Variants in TBC1D22A observed in about 807,000 individuals in gnomAD.
TBC1D22A encodes TBC1 domain family member 22A, also known as putative GTPase activator.
In TBC1D22A, 38 loss-of-function variants were observed where a neutral mutation model predicts 60.2. That is an observed-to-expected ratio of 0.63 (90% CI 0.49 to 0.83). TBC1D22A has a LOEUF of 0.83. Among genes scored for constraint, TBC1D22A ranks in the 40% least tolerant of loss-of-function variants. TBC1D22A has a pLI of 0.00. For missense variants in TBC1D22A, 628 were observed against 701.0 expected (o/e 0.90, Z 1.18); for synonymous variants, 302 against 281.7 (o/e 1.07, Z -0.72).
intron 11 of TBC1D22A, among the ~76,000 whole-genome samples, chr22:47,062,245 T>C (rs528497118): frequency 5.9e-5 from 9 of 152,076 alleles, no homozygotes; most frequent in Non-Finnish European, 1.2e-4. Flanking sequence ...GAAAAGCACA[T>C]TCTCAGGCCC....
At chr22:47,029,578 C>G (rs1248610774) in intron 10 of TBC1D22A, among the ~76,000 whole-genome samples, 2 of 152,230 alleles carry the variant, frequency 1.3e-5, no homozygotes, top group Non-Finnish European at 2.9e-5. Context: ...CCAGCCCAGA[C>G]TCGGCTGCTG....
intron 12 of TBC1D22A, among the ~76,000 whole-genome samples, chr22:47,140,203 G>C (rs991554018): frequency 1.3e-5 from 2 of 151,980 alleles, no homozygotes; most frequent in Admixed American, 6.5e-5. Context: ...CTGAATGCGC[G>C]TGCTGAGTCT....
intron 12 of TBC1D22A, among the ~76,000 whole-genome samples, chr22:47,163,834 A>G (rs1428353128): frequency 6.6e-6 from 1 of 152,218 alleles, no homozygotes; most frequent in Admixed American, 6.5e-5. Context: ...CACTTGCACC[A>G]CTGAGCAGGG....
intron 9 of TBC1D22A, among the ~76,000 whole-genome samples, chr22:46,996,962 T>A (rs765256052): frequency 9.9e-5 from 15 of 152,220 alleles, no homozygotes; most frequent in Non-Finnish European, 2.2e-4. Flanking sequence ...CCAGAGAGGT[T>A]ATGTTACTTG....
intron 12 of TBC1D22A, among the ~76,000 whole-genome samples, chr22:47,130,323 G>A (rs371384118): frequency 3.8e-4 from 58 of 152,114 alleles, no homozygotes; most frequent in Non-Finnish European, 7.8e-4. Flanking sequence ...CCCTCCTGCC[G>A]GGCTCCCCCC....
chr22:46,897,644 TTTTTTGTG>T lies in TBC1D22A; in HGVS notation c.900+2804_900+2811del, dbSNP rs1602366378. On this transcript the variant is annotated intron_variant, in intron 7 of 12. Coordinates refer to ENST00000337137, the MANE Select transcript of TBC1D22A (RefSeq NM_014346.5). ...TTTTTTGTTTTGTTTCGTTTTGTTT[TTTTTTGTG>T]TTTTTTTTTTTTTTTTTAGTTCTAG... is the stretch of plus-strand genomic sequence containing the variant. 1.4e-4 allele frequency among the ~76,000 whole-genome samples: 17 copies of T among 119,130 alleles called. 1 individual carries two copies. Among genetic ancestry groups the T allele is most frequent in the African/African-American group, 5.0e-4 (16 of 31,950 alleles). The allele number at this position is 119,130 out of a possible 152,430, so 78.2% of individuals were successfully genotyped here.
intron 10 of TBC1D22A, among the ~76,000 whole-genome samples, chr22:47,034,775 C>T (rs1346634206): frequency 2.0e-5 from 3 of 152,232 alleles, no homozygotes; most frequent in African/African-American, 4.8e-5. Flanking sequence ...GCATTGAAAT[C>T]GCAGTTTTAT....
chr22:47,135,983 G>A (rs549061029), intron 12 of TBC1D22A, among the ~76,000 whole-genome samples: 10 of 152,356 alleles, frequency 6.6e-5, no homozygotes, highest in Admixed American at 5.9e-4. Context: ...CAGGGACACC[G>A]GTTGAGGAGG....
At chr22:46,937,676 A>T (rs1012764556) in intron 8 of TBC1D22A, among the ~76,000 whole-genome samples, 4 of 152,196 alleles carry the variant, frequency 2.6e-5, no homozygotes, top group African/African-American at 9.7e-5. Flanking sequence ...TTATCAGAGG[A>T]GACGATAGCT....
intron 7 of TBC1D22A, among the ~76,000 whole-genome samples, chr22:46,902,587 G>A (rs553202620): frequency 6.6e-6 from 1 of 152,358 alleles, no homozygotes; most frequent in South Asian, 2.1e-4. Flanking sequence ...TTGCTGGAAT[G>A]CGAGTTGCTG....
In TBC1D22A at chr22:47,079,934, G is replaced by T. The variant is rs192178572; in HGVS notation, c.1330-31574G>T. On this transcript the variant is annotated intron_variant, in intron 11 of 12. Coordinates refer to ENST00000337137, the MANE Select transcript of TBC1D22A (RefSeq NM_014346.5). ...TGGATAGAAAAAATGATTTAAAAAA[G>T]GTGTATCAATGCAAATACTAGTCAG... 2.5e-3 allele frequency among the ~76,000 whole-genome samples: 378 copies of T among 152,250 alleles called. 3 individuals carry two copies. The highest frequency in any genetic ancestry group is 8.9e-3 in the African/African-American group (370 of 41,552).
At chr22:47,068,464 T>C (rs1295175864) in intron 11 of TBC1D22A, among the ~76,000 whole-genome samples, 1 of 152,244 alleles carries the variant, frequency 6.6e-6, no homozygotes, top group Non-Finnish European at 1.5e-5. Flanking sequence ...TGGTGGGGAC[T>C]TTGATGTTAC....
rs150098355 is a variant in TBC1D22A at position 46,807,595 on chromosome 22, G to A, written c.637+9975G>A. 3.7e-4 allele frequency among the ~76,000 whole-genome samples: 57 copies of A among 152,312 alleles called. No homozygotes were observed. The East Asian group carries it at 0.01, about 27-fold the overall frequency. On this transcript the variant is annotated intron_variant, in intron 4 of 12. Transcript: ENST00000337137. ...TTTATCCAGCCTTCCCCACAGGCTA[G>A]CTCATTTGTTTGGCATTTACTCCAT...
At position 46,974,407 on chromosome 22, in the gene TBC1D22A, C is replaced by T. The variant is rs1255397326; in HGVS notation, c.1125+8C>T. 6 of 1,602,478 alleles carry T rather than the reference C, an allele frequency of 3.7e-6. No individual in the cohort carries two copies. The highest frequency in any genetic ancestry group is 2.2e-5 in the East Asian group (1 of 44,546). Reference sequence around the variant, plus strand: ...CTGCTGGATGGCATTCAGGTGAGCGCCCGCGCCCACGGGACACAGCCCACG... The same window carrying T: ...CTGCTGGATGGCATTCAGGTGAGCGTCCGCGCCCACGGGACACAGCCCACG... On this transcript the variant is annotated splice_region_variant and intron_variant, in intron 9 of 12. Transcript: ENST00000337137.
chr22:46,997,795 C>T (rs1032189258), intron 10 of TBC1D22A, 86 bp downstream of exon 10: 187 of 1,269,392 alleles, frequency 1.5e-4, no homozygotes, highest in East Asian at 2.3e-4. Context: ...TGTCCTCATC[C>T]GCCGGCAGCA....
intron 11 of TBC1D22A, among the ~76,000 whole-genome samples, chr22:47,091,606 T>C (rs572764574): frequency 6.6e-6 from 1 of 152,094 alleles, no homozygotes; most frequent in East Asian, 1.9e-4. Context: ...ATAAGTCGTC[T>C]TTCGGGGAGT....
chr22:46,900,679 G>A (rs904165994), intron 7 of TBC1D22A, among the ~76,000 whole-genome samples: 4 of 152,144 alleles, frequency 2.6e-5, no homozygotes, highest in Admixed American at 1.3e-4. Flanking sequence ...TTTACTTAGT[G>A]TAGTGGTTTT....
At chr22:47,160,434 G>T (rs1376530515) in intron 12 of TBC1D22A, among the ~76,000 whole-genome samples, 1 of 152,138 alleles carries the variant, frequency 6.6e-6, no homozygotes, top group African/African-American at 2.4e-5. Context: ...CTGGTCAGCG[G>T]GTGGAGGTCT....
chr22:47,172,525 T>C (rs1376853635), intron 12 of TBC1D22A, among the ~76,000 whole-genome samples: 1 of 152,234 alleles, frequency 6.6e-6, no homozygotes, highest in Non-Finnish European at 1.5e-5. Flanking sequence ...CTTACATGCA[T>C]GTCATTCACC....
Sources: gnomAD v4.1 joint callset for allele counts (sites outside exome capture counted in the v4.1 genomes callset) on GRCh38, gnomAD v4.1.1 for gene constraint, MANE v1.5 for transcripts, NCBI Gene and HGNC (gene_info 2026-07-23, HGNC 2026-07-21) for gene names.